The following CPNE5 variants were observed in gnomAD, a reference collection of about 807,000 sequenced individuals.
The protein encoded by CPNE5 is copine-5.
CPNE5 carries 42 observed loss-of-function variants against 81.1 expected under a neutral mutation model. The ratio of observed to expected loss-of-function variants is 0.52; its 90% CI spans 0.40 to 0.67. The LOEUF (loss-of-function observed/expected upper bound fraction) is 0.67. CPNE5 is among the 30% of genes least tolerant of loss of function. CPNE5 has a pLI of 0.00. For missense variants in CPNE5, 612 were observed against 815.5 expected, an observed-to-expected ratio of 0.75 and a Z score of 3.04; for synonymous variants, 313 against 321.5, an observed-to-expected ratio of 0.97 and a Z score of 0.28.
intron 8 of CPNE5, 89 bp from the exon 9 acceptor site, chr6:36,779,046 C>T (rs985063932): frequency 9.2e-6 from 8 of 868,474 alleles, no homozygotes; most frequent in Non-Finnish European, 1.3e-5. Flanking sequence ...AGTCCAGGCA[C>T]CAGCCCTGGT....
Position 36,797,342 on chromosome 6 carries a change from C to T in CPNE5, c.404+823G>A, listed in dbSNP as rs560548745. Among the ~76,000 whole-genome samples the T allele has an allele frequency of 5.3e-5, 8 of 152,374 alleles. No homozygotes were observed. The East Asian group carries it at 1.5e-3, about 29-fold the overall frequency. ...CCAGTCTGCCCTCTCTTTCCTGGGC[C>T]CTGCCCACGAGTGTCAACCTAAAAT... On this transcript the variant is annotated intron_variant, in intron 6 of 20. Transcript: ENST00000244751.
chr6:36,748,312 G>C, intron 14 of CPNE5, 45 bp from the exon 15 acceptor site: 1 of 1,568,938 alleles, frequency 6.4e-7, no homozygotes, highest in Non-Finnish European at 8.8e-7. Flanking sequence ...AGGGAGGCAG[G>C]GCTGTGGGAG....
intron 1 of CPNE5, among the ~76,000 whole-genome samples, chr6:36,833,748 T>C (rs1048438389): frequency 6.6e-6 from 1 of 152,160 alleles, no homozygotes; most frequent in Non-Finnish European, 1.5e-5. Flanking sequence ...GCCCTGCCAA[T>C]ACCTTGATTC....
chr6:36,790,281 T>A (rs1381431258), intron 8 of CPNE5, among the ~76,000 whole-genome samples: 1 of 152,234 alleles, frequency 6.6e-6, no homozygotes, highest in East Asian at 1.9e-4. Flanking sequence ...CCACAGTGTA[T>A]GGCCCAAAAT....
At chr6:36,796,979 C>T (rs1331885123) in intron 6 of CPNE5, among the ~76,000 whole-genome samples, 4 of 152,154 alleles carry the variant, frequency 2.6e-5, no homozygotes, top group African/African-American at 7.2e-5. Flanking sequence ...AGCCCAATCT[C>T]GGCTCACTGC....
chr6:36,829,336 A>T (rs1398100782), intron 1 of CPNE5, among the ~76,000 whole-genome samples: 1 of 151,928 alleles, frequency 6.6e-6, no homozygotes, highest in Non-Finnish European at 1.5e-5. Flanking sequence ...TCTCTAAAAA[A>T]AATAAACAAA....
At chr6:36,777,883 C>G (rs1767692413) in intron 9 of CPNE5, among the ~76,000 whole-genome samples, 1 of 151,758 alleles carries the variant, frequency 6.6e-6, no homozygotes, top group Admixed American at 6.6e-5. Flanking sequence ...TCTCCCTTCT[C>G]TAGCCCTTTA....
chr6:36,826,247 C>G (rs977285544), intron 1 of CPNE5, among the ~76,000 whole-genome samples: 13 of 152,102 alleles, frequency 8.5e-5, no homozygotes, highest in Non-Finnish European at 1.8e-4. Context: ...CACTTCCCAG[C>G]TGGGCTAGAG....
intron 12 of CPNE5, among the ~76,000 whole-genome samples, chr6:36,759,060 G>C (rs1479798567): frequency 6.6e-6 from 1 of 152,194 alleles, no homozygotes; most frequent in Non-Finnish European, 1.5e-5. Flanking sequence ...TGAACTATCG[G>C]AATGGACAGC....
chr6:36,748,662 GA>G (rs1162109913), intron 14 of CPNE5, among the ~76,000 whole-genome samples: 2 of 152,154 alleles, frequency 1.3e-5, no homozygotes, highest in Non-Finnish European at 2.9e-5. Context: ...TGACAAAAAA[GA>G]GAGTCAAATA....
Position 36,781,133 on chromosome 6 carries a change from C to T in CPNE5, c.529-2176G>A, listed in dbSNP as rs1039985395. ...TGGGATGGGGAAGAGGCTGTAAGCA[C>T]GGGTGGTGCTGGAGACAGAATGACC... On this transcript the variant is annotated intron_variant, in intron 8 of 20. Transcript: ENST00000244751. Among the ~76,000 whole-genome samples, 15 of 152,260 alleles carry T rather than the reference C, an allele frequency of 9.9e-5. No homozygotes were observed. In the East Asian group the frequency reaches 2.3e-3, roughly 24 times the overall value.
chr6:36,820,821 T>C (rs236379), intron 3 of CPNE5, among the ~76,000 whole-genome samples: 11,339 of 151,956 alleles, frequency 0.075, 1,296 homozygotes, highest in African/African-American at 0.24. Context: ...TGGTGGCATG[T>C]GCCTGCAGTC....
At chr6:36,743,847 C>T (rs1763812402) in intron 19 of CPNE5, 85 bp from the exon 20 acceptor site, 12 of 1,231,306 alleles carry the variant, frequency 9.7e-6, no homozygotes, top group Non-Finnish European at 1.2e-5. Flanking sequence ...GTCCTTTCAT[C>T]CCAGGCCAAT....
intron 10 of CPNE5, among the ~76,000 whole-genome samples, chr6:36,767,406 A>G (rs542418416): frequency 2.6e-5 from 4 of 152,282 alleles, no homozygotes; most frequent in African/African-American, 9.6e-5. Context: ...GAGCCCTAAG[A>G]GCCTCCAGTG....
intron 10 of CPNE5, among the ~76,000 whole-genome samples, chr6:36,772,673 A>C (rs1464949194): frequency 6.6e-6 from 1 of 152,162 alleles, no homozygotes; most frequent in South Asian, 2.1e-4. Flanking sequence ...CCCAGCCAAG[A>C]GGCAGGAAAA....
chr6:36,744,225 T>G (rs1392100596), intron 19 of CPNE5, 43 bp downstream of exon 19: 1 of 1,512,096 alleles, frequency 6.6e-7, no homozygotes, highest in East Asian at 2.4e-5. Context: ...CAGGGTTGCG[T>G]GGCTAGGGAA....
chr6:36,779,957 C>T (rs1323390979), intron 8 of CPNE5, among the ~76,000 whole-genome samples: 2 of 144,448 alleles, frequency 1.4e-5, no homozygotes, highest in Non-Finnish European at 3.0e-5. Context: ...CCTCACACAT[C>T]CCCCCTTCCT....
At chr6:36,785,117 C>A (rs1768410573) in intron 8 of CPNE5, among the ~76,000 whole-genome samples, 1 of 152,140 alleles carries the variant, frequency 6.6e-6, no homozygotes, top group African/African-American at 2.4e-5. Context: ...GGATTGCCTC[C>A]ATTTGCATCT....
rs1767384231 is a variant in CPNE5 at position 36,775,085 on chromosome 6, G to A, written c.633-20C>T. On this transcript the variant is annotated intron_variant, in intron 9 of 20. Coordinates refer to ENST00000244751, the MANE Select transcript of CPNE5 (RefSeq NM_020939.2). ...GTGAACCTGGTGAAGAAGAAGAGAGGGAAAGGCTGTCAGGCCCAAACCCAA... is the reference window on the plus strand; with the variant it reads ...GTGAACCTGGTGAAGAAGAAGAGAGAGAAAGGCTGTCAGGCCCAAACCCAA... 4 of 1,602,894 alleles carry A rather than the reference G, an allele frequency of 2.5e-6. No homozygotes were observed. The South Asian group carries it at 3.3e-5, about 13-fold the overall frequency.
Sources: gnomAD v4.1 joint callset for allele counts (sites outside exome capture counted in the v4.1 genomes callset) on GRCh38, gnomAD v4.1.1 for gene constraint, MANE v1.5 for transcripts, NCBI Gene and HGNC (gene_info 2026-07-23, HGNC 2026-07-21) for gene names.